The following ATP6V0A1 variants were observed in gnomAD, a reference collection of about 807,000 sequenced individuals.
ATP6V0A1 encodes the protein ATPase H+ transporting V0 subunit a1.
ATP6V0A1 carries 43 observed loss-of-function variants against 105.4 expected under a neutral mutation model. The ratio of observed to expected loss-of-function variants is 0.41; its 90% CI spans 0.32 to 0.53. The LOEUF (loss-of-function observed/expected upper bound fraction) is 0.53, where lower values mean the gene tolerates loss of function less well. Among genes scored for constraint, ATP6V0A1 ranks in the 20% least tolerant of loss-of-function variants. ATP6V0A1 has a pLI of 0.30. For missense variants in ATP6V0A1, 676 were observed against 1,051.1 expected (o/e 0.64, Z 4.93); for synonymous variants, 362 against 372.8 (o/e 0.97, Z 0.33).
At chr17:42,467,102 G>A (rs974869014) in intron 3 of ATP6V0A1, among the ~76,000 whole-genome samples, 6 of 151,478 alleles carry the variant, frequency 4.0e-5, no homozygotes, top group African/African-American at 1.2e-4. Context: ...AGCTGAGATC[G>A]CACCACTGCA....
intron 10 of ATP6V0A1, 25 bp downstream of exon 10, chr17:42,487,392 A>G (rs772926769): frequency 1.2e-6 from 2 of 1,608,592 alleles, no homozygotes; most frequent in Admixed American, 1.7e-5. Flanking sequence ...CTAACAATGC[A>G]GCTCGTGGCC....
chr17:42,488,996 C>T (rs2090373948), intron 10 of ATP6V0A1, among the ~76,000 whole-genome samples: 1 of 54,490 alleles, frequency 1.8e-5, no homozygotes, highest in African/African-American at 4.5e-5. Flanking sequence ...GCCTGGACAG[C>T]AGAGTGAGAC....
chr17:42,460,627 T>C (rs2086290388), intron 1 of ATP6V0A1, among the ~76,000 whole-genome samples: 1 of 152,218 alleles, frequency 6.6e-6, no homozygotes, highest in Non-Finnish European at 1.5e-5. Context: ...TGATGTTGAC[T>C]GGAATGGAAG....
At chr17:42,475,126 T>C (rs1011326510) in intron 5 of ATP6V0A1, among the ~76,000 whole-genome samples, 1 of 152,226 alleles carries the variant, frequency 6.6e-6, no homozygotes, top group Non-Finnish European at 1.5e-5. Context: ...ATCCATCTGC[T>C]TTCTTTATTT....
chr17:42,512,858 A>AGGAG (rs1252167509), intron 19 of ATP6V0A1, among the ~76,000 whole-genome samples: 1 of 152,260 alleles, frequency 6.6e-6, no homozygotes, highest in Non-Finnish European at 1.5e-5. Context: ...CTGAGCCCTC[A>AGGAG]GGAGTGTCTG....
rs765785491 is a variant in ATP6V0A1, at chr17:42,521,087, C to T, written c.2481C>T (p.Phe827=). The T allele has an allele frequency of 2.5e-6, 4 of 1,609,844 alleles. No homozygotes were observed. The highest frequency in any genetic ancestry group is 2.3e-5 in the East Asian group (1 of 44,396). The change falls in exon 22 of 22, where the codon TTC becomes TTT. Residue 827 remains phenylalanine, a synonymous_variant. Coordinates refer to ENST00000343619, the MANE Select transcript of ATP6V0A1 (RefSeq NM_001130021.3). The surrounding 1 kb of genome is among the most constrained non-coding windows in gnomAD (Gnocchi z 4.8). The part of the protein sequence containing the change: ...GTGFKFLPFS[F]EHIREGKFEE The stretch of plus-strand genomic sequence containing the variant: ...GTTTCAAGTTCTTACCCTTCTCCTT[C>T]GAGCATATTCGGGAAGGGAAGTTTG...
At chr17:42,474,701 C>T (rs1363665362) in intron 5 of ATP6V0A1, among the ~76,000 whole-genome samples, 2 of 152,178 alleles carry the variant, frequency 1.3e-5, no homozygotes, top group Non-Finnish European at 2.9e-5. Context: ...TTGCAAAGGG[C>T]CTAAAACACT....
chr17:42,487,119 A>G (rs1161574941), intron 9 of ATP6V0A1, 36 bp from the exon 10 acceptor site: 1 of 1,604,504 alleles, frequency 6.2e-7, no homozygotes, highest in Non-Finnish European at 8.5e-7. Context: ...AACTGGTGTT[A>G]AAAGGATCCC....
chr17:42,494,117 C>T (rs570187892), intron 11 of ATP6V0A1, among the ~76,000 whole-genome samples: 27 of 151,992 alleles, frequency 1.8e-4, no homozygotes, highest in African/African-American at 6.3e-4. Flanking sequence ...GTGGTGGGCA[C>T]CTGTAATCCC....
At position 42,521,292 on chromosome 17, in the gene ATP6V0A1, C is replaced by A. The variant is rs2092827821; in HGVS notation, c.*172C>A. 4 of 498,870 alleles carry A rather than the reference C, an allele frequency of 8.0e-6. No homozygotes were observed. The highest frequency in any genetic ancestry group is 1.4e-5 in the Non-Finnish European group (4 of 289,884). The allele number at this position is 498,870 out of a possible 1,614,324, so 30.9% of individuals were successfully genotyped here. On this transcript the variant is annotated 3_prime_UTR_variant, in exon 22 of 22. Transcript: ENST00000343619. This position sits in a 1 kb window ranked among gnomAD's most constrained non-coding sequence, Gnocchi z 4.8. ...TCCTTGGGTCTCCCACCACCCCTAG[C>A]TTTGTGTGTAGTGTAGTGATTTTCT...
chr17:42,507,611 C>A lies in ATP6V0A1; in HGVS notation c.2096C>A (p.Ser699Ter). The A allele has an allele frequency of 6.2e-7, 1 of 1,613,960 alleles. No individual in the cohort carries two copies. The highest frequency in any genetic ancestry group is 1.1e-5 in the South Asian group (1 of 91,066). Reference protein sequence around the residue: ...IIQHDQLSTHSEDADEPSEDE... With the variant: ...IIQHDQLSTH ...CAGCATGACCAGCTCTCCACCCACTCAGAGGACGCAGACGAGGTAAGATCC... is the reference window on the plus strand; with the variant it reads ...CAGCATGACCAGCTCTCCACCCACTAAGAGGACGCAGACGAGGTAAGATCC... The change falls in exon 18 of 22, where the codon TCA (serine) becomes TAA (stop). Residue 699 changes from serine (S) to a stop codon, truncating the protein, a stop_gained. Coordinates refer to ENST00000343619, the MANE Select transcript of ATP6V0A1 (RefSeq NM_001130021.3). LOFTEE classifies it high-confidence loss of function.
intron 8 of ATP6V0A1, chr17:42,481,205 G>A (rs2089460728): frequency 6.6e-6 from 1 of 151,312 alleles, no homozygotes; most frequent in Non-Finnish European, 1.5e-5. Context: ...TTAGAGGCGT[G>A]AGCCACTAAA....
In ATP6V0A1 at chr17:42,460,877, C is replaced by T. The variant is rs1598631814; in HGVS notation, c.-18C>T. On this transcript the variant is annotated 5_prime_UTR_variant, in exon 2 of 22. Coordinates refer to ENST00000343619, the MANE Select transcript of ATP6V0A1 (RefSeq NM_001130021.3). ...GAGAGAAATCCAGGTACTCACTAGA[C>T]TGGTACCTTCTGCCACCATGGGGGA... The T allele has an allele frequency of 1.3e-6, 2 of 1,580,014 alleles. No homozygotes were observed. Among genetic ancestry groups the T allele is most frequent in the East Asian group, 4.5e-5 (2 of 44,710 alleles).
intron 18 of ATP6V0A1, among the ~76,000 whole-genome samples, chr17:42,508,245 C>T (rs1173123179): frequency 6.6e-6 from 1 of 152,222 alleles, no homozygotes; most frequent in Non-Finnish European, 1.5e-5. Context: ...TAAATCTCAT[C>T]TACTCATTAT....
intron 17 of ATP6V0A1, among the ~76,000 whole-genome samples, chr17:42,502,154 A>G (rs2091721171): frequency 6.6e-6 from 1 of 152,244 alleles, no homozygotes; most frequent in African/African-American, 2.4e-5. Context: ...TTGAGTAGCT[A>G]GAGGAGAGAA....
chr17:42,495,352 A>G (rs1196124533), intron 13 of ATP6V0A1, among the ~76,000 whole-genome samples, 164 bp downstream of exon 13: 3 of 152,146 alleles, frequency 2.0e-5, no homozygotes, highest in Non-Finnish European at 2.9e-5. Flanking sequence ...GCAAGTATCC[A>G]GGAACTAAGA....
At chr17:42,520,846 G>A (rs1446938796) in intron 21 of ATP6V0A1, 181 bp from the exon 22 acceptor site, 9 of 625,476 alleles carry the variant, frequency 1.4e-5, no homozygotes, top group East Asian at 5.4e-5. Flanking sequence ...TCCGTGCGTC[G>A]AACTCTTGAT....
At position 42,468,033 on chromosome 17, in the gene ATP6V0A1, A is replaced by C; in HGVS notation, c.220A>C (p.Lys74Gln). The C allele has an allele frequency of 6.2e-7, 1 of 1,605,458 alleles. No individual in the cohort carries two copies. ...KLRFVEKEIR[K>Q]ANIPIMDTGE... Reference sequence around the variant, plus strand: ...AGGATTTGTTGAGAAAGAGATAAGAAAAGCTAACATTCCGATTATGGACAC... The same window carrying C: ...AGGATTTGTTGAGAAAGAGATAAGACAAGCTAACATTCCGATTATGGACAC... The change falls in exon 4 of 22, where the codon AAA (lysine) becomes CAA (glutamine). Residue 74 changes from lysine to glutamine, a missense_variant. Around this residue, in one of 3 missense-constraint regions of ATP6V0A1, gnomAD observed 239 missense variants for 388.4 expected, o/e 0.62. Transcript: ENST00000343619.
At chr17:42,498,418 T>G (rs1041811744) in intron 14 of ATP6V0A1, among the ~76,000 whole-genome samples, 3 of 151,918 alleles carry the variant, frequency 2.0e-5, no homozygotes, top group Non-Finnish European at 4.4e-5. Context: ...AAAAGCAAGA[T>G]TAAAAAAAAA....
Sources: gnomAD v4.1 joint callset for allele counts (sites outside exome capture counted in the v4.1 genomes callset) on GRCh38, gnomAD v4.1.1 for gene constraint, gnomAD v4.1.1 regional missense constraint, Gnocchi (gnomAD v3.1) non-coding constraint, MANE v1.5 for transcripts, NCBI Gene and HGNC (gene_info 2026-07-23, HGNC 2026-07-21) for gene names.